SHC4: variants seen among roughly 807,000 people sequenced by gnomAD.
SHC4 encodes the protein SHC-transforming protein 4.
A neutral mutation model predicts 69.4 loss-of-function variants in SHC4; 41 were observed. The ratio of observed to expected loss-of-function variants is 0.59; its 90% CI spans 0.46 to 0.77. The LOEUF (loss-of-function observed/expected upper bound fraction) is 0.77. Among genes scored for constraint, SHC4 ranks in the 30% least tolerant of loss-of-function variants. The pLI is 0.00. For synonymous variants in SHC4, 318 were observed against 299.3 expected (o/e 1.06, Z -0.64); for missense variants, 777 against 783.8 (o/e 0.99, Z 0.10).
intron 4 of SHC4, among the ~76,000 whole-genome samples, chr15:48,874,067 AT>A (rs894919133): frequency 6.6e-6 from 1 of 152,198 alleles, no homozygotes; most frequent in Non-Finnish European, 1.5e-5. Flanking sequence ...ATGCATAAGA[AT>A]TCCCTTATAA....
chr15:48,941,085 G>C (rs1316710048), intron 1 of SHC4, among the ~76,000 whole-genome samples: 1 of 152,122 alleles, frequency 6.6e-6, no homozygotes, highest in Admixed American at 6.6e-5. Flanking sequence ...ACTTTTTGTG[G>C]ATAAAAAATT....
chr15:48,926,564 G>A (rs1378439766), intron 1 of SHC4, among the ~76,000 whole-genome samples: 1 of 151,774 alleles, frequency 6.6e-6, no homozygotes, highest in African/African-American at 2.4e-5. Context: ...CCAAATTCAA[G>A]CAATTCTCCT....
intron 6 of SHC4, among the ~76,000 whole-genome samples, chr15:48,858,665 G>A (rs1899378994): frequency 6.6e-6 from 1 of 152,130 alleles, no homozygotes; most frequent in Admixed American, 6.5e-5. Flanking sequence ...TCCTGCCTTG[G>A]TTAGAATATG....
intron 11 of SHC4, among the ~76,000 whole-genome samples, chr15:48,827,596 ACTCT>A (rs901542793): frequency 1.3e-4 from 19 of 151,798 alleles, no homozygotes; most frequent in Non-Finnish European, 2.6e-4. Context: ...GCCTCTAATT[ACTCT>A]CTCTGTCCCT....
rs117900822 is a variant in SHC4, at chr15:48,825,729, C to A, written c.*242G>T. On this transcript the variant is annotated 3_prime_UTR_variant, in exon 12 of 12. Coordinates refer to ENST00000332408, the MANE Select transcript of SHC4 (RefSeq NM_203349.4). ...GCAATATGGCCTTAAAAAGTGACAT[C>A]CGTGCATACATATAATTTCTTTTAA... 7.3e-6 allele frequency: 3 copies of A among 412,402 alleles called. No individual in the cohort carries two copies. Among genetic ancestry groups the A allele is most frequent in the Non-Finnish European group, 1.3e-5 (3 of 234,430 alleles). 25.5% of individuals were successfully genotyped at this position (412,402 alleles called of 1,614,324 possible). A position where few individuals can be genotyped will look rare whatever the true frequency, so the allele number is the denominator to read the frequency against.
intron 4 of SHC4, among the ~76,000 whole-genome samples, chr15:48,874,298 A>C (rs952940006): frequency 9.9e-5 from 15 of 152,186 alleles, no homozygotes; most frequent in African/African-American, 2.7e-4. Flanking sequence ...TCTGACACCA[A>C]GCAGCAGTCA....
intron 1 of SHC4, among the ~76,000 whole-genome samples, chr15:48,927,557 T>C (rs559637739): frequency 1.3e-5 from 2 of 152,288 alleles, no homozygotes; most frequent in East Asian, 3.9e-4. Flanking sequence ...ATGAAACCCC[T>C]GGCATCTATG....
intron 3 of SHC4, among the ~76,000 whole-genome samples, chr15:48,885,824 G>A (rs2141003338): frequency 6.6e-6 from 1 of 152,246 alleles, no homozygotes; most frequent in South Asian, 2.1e-4. Flanking sequence ...CTGACTCTTG[G>A]TCTACTTTCT....
At chr15:48,857,522 A>T (rs1899347347) in intron 7 of SHC4, among the ~76,000 whole-genome samples, 170 bp downstream of exon 7, 1 of 152,100 alleles carries the variant, frequency 6.6e-6, no homozygotes, top group Admixed American at 6.6e-5. Context: ...TGGAAGGAAA[A>T]TATTATTTTG....
At chr15:48,856,245 T>G in intron 7 of SHC4, 121 bp from the exon 8 acceptor site, 1 of 913,900 alleles carries the variant, frequency 1.1e-6, no homozygotes, top group Non-Finnish European at 1.6e-6. Context: ...TTTCAGTTTA[T>G]AGCTGTGCTT....
At chr15:48,886,300 A>G (rs1275429755) in intron 3 of SHC4, among the ~76,000 whole-genome samples, 1 of 152,118 alleles carries the variant, frequency 6.6e-6, no homozygotes, top group Admixed American at 6.5e-5. Context: ...TTAAATTATA[A>G]CACTGTCTCA....
intron 4 of SHC4, chr15:48,878,669 C>T: frequency 1.2e-6 from 2 of 1,613,972 alleles, no homozygotes; most frequent in Non-Finnish European, 1.7e-6. Context: ...TATCGAAGAG[C>T]TTTTTTCACT....
At chr15:48,903,108 A>C (rs571160322) in intron 2 of SHC4, among the ~76,000 whole-genome samples, 1 of 152,318 alleles carries the variant, frequency 6.6e-6, no homozygotes, top group Non-Finnish European at 1.5e-5. Flanking sequence ...ACTACAGTAC[A>C]CATTTCCTAA....
chr15:48,852,524 A>C (rs1899234243), intron 8 of SHC4, among the ~76,000 whole-genome samples: 1 of 152,208 alleles, frequency 6.6e-6, no homozygotes, highest in Non-Finnish European at 1.5e-5. Flanking sequence ...ATGTGAGAAA[A>C]TGAAAGGAAA....
intron 6 of SHC4, among the ~76,000 whole-genome samples, chr15:48,865,580 A>G (rs1899544728): frequency 6.6e-6 from 1 of 152,212 alleles, no homozygotes; most frequent in Non-Finnish European, 1.5e-5. Flanking sequence ...TGAGGTTGTG[A>G]AACAATCTGC....
At chr15:48,869,626 G>A (rs557683266) in intron 5 of SHC4, among the ~76,000 whole-genome samples, 76 of 152,278 alleles carry the variant, frequency 5.0e-4, no homozygotes, top group African/African-American at 1.7e-3. Context: ...GAGGACTCTG[G>A]AGTTTAGGGA....
intron 4 of SHC4, chr15:48,878,993 T>C (rs2140999435): frequency 2.6e-6 from 1 of 389,806 alleles, no homozygotes; most frequent in East Asian, 4.1e-5. Flanking sequence ...CCTATGGCTT[T>C]GACTTTGTTA....
At chr15:48,872,165 C>T (rs760866047) in intron 4 of SHC4, 23 bp from the exon 5 acceptor site, 13 of 1,333,874 alleles carry the variant, frequency 9.7e-6, no homozygotes, top group Non-Finnish European at 1.4e-5. Flanking sequence ...AACATGTATA[C>T]TAATATAAAT....
At chr15:48,937,303 T>C (rs1465525577) in intron 1 of SHC4, among the ~76,000 whole-genome samples, 3 of 152,160 alleles carry the variant, frequency 2.0e-5, no homozygotes, top group Non-Finnish European at 4.4e-5. Context: ...TTCAAGTGAA[T>C]TCTCTCACCT....
Sources: allele counts gnomAD v4.1 joint callset (sites outside exome capture counted in the v4.1 genomes callset), GRCh38; gene constraint gnomAD v4.1.1; transcripts MANE v1.5; gene names NCBI Gene and HGNC (gene_info 2026-07-23, HGNC 2026-07-21).